Variants in ELFN1 observed in about 807,000 individuals in gnomAD.
ELFN1 encodes the protein extracellular leucine rich repeat and fibronectin type III domain containing 1, also known as protein ELFN1.
ELFN1 carries 6 observed loss-of-function variants against 7.6 expected under a neutral mutation model. The ratio of observed to expected loss-of-function variants is 0.79; its 90% CI spans 0.43 to 1.56. The LOEUF is 1.56. ELFN1 is among the 40% of genes most tolerant of loss of function. The pLI is 0.01. For missense variants in ELFN1, 1,169 were observed against 1,232.2 expected, an observed-to-expected ratio of 0.95 and a Z score of 0.77; for synonymous variants, 657 against 588.1, an observed-to-expected ratio of 1.12 and a Z score of -1.70.
At chr7:1,703,697 G>T (rs1217475175) in intron 2 of ELFN1, among the ~76,000 whole-genome samples, 1 of 152,156 alleles carries the variant, frequency 6.6e-6, no homozygotes, top group Non-Finnish European at 1.5e-5. Flanking sequence ...GGCATCTTGT[G>T]CGCTGGGATT....
At chr7:1,724,684 G>A (rs1478627411) in intron 3 of ELFN1, among the ~76,000 whole-genome samples, 1 of 152,088 alleles carries the variant, frequency 6.6e-6, no homozygotes, top group African/African-American at 2.4e-5. Context: ...AGCCTTGCCA[G>A]AGCCCGGGGC....
chr7:1,713,890 C>T (rs1354335866), intron 3 of ELFN1, among the ~76,000 whole-genome samples: 1 of 152,074 alleles, frequency 6.6e-6, no homozygotes, highest in Non-Finnish European at 1.5e-5. Context: ...CGGCTCCCCT[C>T]CCCCACCTCT....
intron 1 of ELFN1, among the ~76,000 whole-genome samples, chr7:1,672,375 C>T (rs1778783876): frequency 6.6e-6 from 1 of 152,202 alleles, no homozygotes; most frequent in Non-Finnish European, 1.5e-5. Flanking sequence ...CACCTCCCTA[C>T]CACGGTCCCC....
chr7:1,686,074 G>A (rs1387268672), intron 1 of ELFN1, among the ~76,000 whole-genome samples: 1 of 149,692 alleles, frequency 6.7e-6, no homozygotes, highest in Non-Finnish European at 1.5e-5. Flanking sequence ...TTTTTTCTGA[G>A]TATGGGTCAC....
intron 2 of ELFN1, among the ~76,000 whole-genome samples, chr7:1,688,365 G>A (rs981248360): frequency 2.6e-5 from 4 of 151,992 alleles, no homozygotes; most frequent in African/African-American, 9.7e-5. Context: ...CTCCTCCATG[G>A]TTAGCACTTT....
chr7:1,735,416 C>T lies in ELFN1; in HGVS notation c.-293-8888C>T, dbSNP rs1169261625. On this transcript the variant is annotated intron_variant, in intron 3 of 3. Transcript: ENST00000424383. This position sits in a 1 kb window ranked among gnomAD's most constrained non-coding sequence, Gnocchi z 5.9. ...GTGGGGACGTGGTGCAGGCAGCAGT[C>T]CCCTCCGTTCTACTCCCCAGCCCGG... Among the ~76,000 whole-genome samples the T allele has an allele frequency of 6.6e-6, 1 of 152,034 alleles. No individual in the cohort carries two copies. The highest frequency in any genetic ancestry group is 2.4e-5 in the African/African-American group (1 of 41,390).
rs914568621 is a variant in ELFN1, at chr7:1,745,837, C to T, written c.1241C>T (p.Thr414Met). Residue 414 changes from threonine (T) to methionine (M), a missense_variant, in exon 4 of 4, where the codon ACG becomes ATG. This residue lies in a region of ELFN1 where 914 missense variants were observed against 872.6 expected (regional missense o/e 1.05). Transcript: ENST00000424383. ...CCTGGTCCGGTGCCCAGCCCCTCCA[C>T]GGCCACCCACTACATCATGACCATC... is the stretch of plus-strand genomic sequence containing the variant. ...SPPGPVPSPS[T>M]ATHYIMTILG... 7.0e-6 allele frequency: 11 copies of T among 1,580,454 alleles called. No individual in the cohort carries two copies. The highest frequency in any genetic ancestry group is 1.6e-4 in the Middle Eastern group (1 of 6,064).
upstream of ELFN1, among the ~76,000 whole-genome samples, chr7:1,668,600 G>A (rs903197367): frequency 6.6e-6 from 1 of 152,160 alleles, no homozygotes; most frequent in African/African-American, 2.4e-5. Flanking sequence ...TCTGGGGGCC[G>A]ACCAGCTTCT....
intron 1 of ELFN1, among the ~76,000 whole-genome samples, chr7:1,672,275 C>G (rs1371405862): frequency 6.6e-6 from 1 of 152,090 alleles, no homozygotes; most frequent in African/African-American, 2.4e-5. Context: ...CCACCATGCC[C>G]CAGGACTGCC....
intron 1 of ELFN1, among the ~76,000 whole-genome samples, chr7:1,682,967 T>C (rs1178253092): frequency 6.6e-6 from 1 of 152,144 alleles, no homozygotes; most frequent in East Asian, 1.9e-4. Context: ...GGATCAAAAT[T>C]AGTGATTTTC....
intron 2 of ELFN1, among the ~76,000 whole-genome samples, chr7:1,701,065 G>A (rs758917077): frequency 3.3e-5 from 5 of 152,008 alleles, no homozygotes; most frequent in Admixed American, 2.0e-4. Context: ...GTATGTATGC[G>A]TGTGTATGTG....
At chr7:1,692,644 G>A (rs1583323205) in intron 2 of ELFN1, among the ~76,000 whole-genome samples, 1 of 152,256 alleles carries the variant, frequency 6.6e-6, no homozygotes, top group South Asian at 2.1e-4. Context: ...AGGGCCAGCG[G>A]CCCACCTGCC....
rs1279700474 is a variant in ELFN1 at position 1,746,896 on chromosome 7, A to C, written c.2300A>C (p.Glu767Ala). Residue 767 changes from glutamate to alanine, a missense_variant, in exon 4 of 4, where the codon GAG becomes GCG. Around this residue, in one of 2 missense-constraint regions of ELFN1, gnomAD observed 914 missense variants for 872.6 expected, o/e 1.05. Coordinates refer to ENST00000424383, the MANE Select transcript of ELFN1 (RefSeq NM_001128636.4). Reference protein sequence around the residue: ...YHSLSYSSSPEYTCRASQSIW... With the variant: ...YHSLSYSSSPAYTCRASQSIW... ...AGCCTGAGCTACTCCTCCAGCCCCG[A>C]GTACACCTGCCGGGCCTCCCAGAGC... The C allele has an allele frequency of 6.5e-7, 1 of 1,547,206 alleles. No homozygotes were observed. Among genetic ancestry groups the C allele is most frequent in the Non-Finnish European group, 8.7e-7 (1 of 1,145,360 alleles).
Position 1,744,508 on chromosome 7 carries a change from G to A in ELFN1, c.-89G>A, listed in dbSNP as rs548976294. 99 of 1,325,024 alleles carry A rather than the reference G, an allele frequency of 7.5e-5. No individual in the cohort carries two copies. In the African/African-American group the frequency reaches 1.3e-3, roughly 17 times the overall value. 82.1% of individuals were successfully genotyped at this position (1,325,024 alleles called of 1,614,324 possible). A position where few individuals can be genotyped will look rare whatever the true frequency, so the allele number is the denominator to read the frequency against. ...GAGAGTGCAGGCACCTCCCCCTCCC[G>A]CCCCTCCATCCCTCTGGGGGCTGGC... On this transcript the variant is annotated 5_prime_UTR_variant, in exon 4 of 4. Transcript: ENST00000424383.
At position 1,679,179 on chromosome 7, in the gene ELFN1, GCA is replaced by G. The variant is rs368107431; in HGVS notation, c.-549+8842_-549+8843del. 5.8e-3 allele frequency among the ~76,000 whole-genome samples: 876 copies of G among 150,372 alleles called. 5 individuals carry two copies. Among genetic ancestry groups the G allele is most frequent in the African/African-American group, 0.019 (777 of 40,810 alleles). ...CACACGCGTGCACACACGTACGCGC[GCA>G]CACACACACACACACAACTGCGCAT... On this transcript the variant is annotated intron_variant, in intron 1 of 3. Transcript: ENST00000424383.
chr7:1,732,359 CCAGT>C (rs1780343323), intron 3 of ELFN1, among the ~76,000 whole-genome samples: 1 of 152,122 alleles, frequency 6.6e-6, no homozygotes, highest in South Asian at 2.1e-4. Context: ...TCACTGATGC[CCAGT>C]CAGCCCCTTT....
chr7:1,686,058 A>G (rs1779056915), intron 1 of ELFN1, among the ~76,000 whole-genome samples: 1 of 141,310 alleles, frequency 7.1e-6, no homozygotes, highest in African/African-American at 2.8e-5. Flanking sequence ...GTTTCCATTG[A>G]CTTTTTTTTT....
intron 1 of ELFN1, among the ~76,000 whole-genome samples, chr7:1,687,448 A>T (rs1362727313): frequency 6.6e-6 from 1 of 152,124 alleles, no homozygotes. Context: ...CTCAAGAAAT[A>T]AAAATGATAC....
intron 2 of ELFN1, among the ~76,000 whole-genome samples, chr7:1,690,224 GTGAA>G (rs1779131566): frequency 6.6e-6 from 1 of 151,836 alleles, no homozygotes; most frequent in East Asian, 1.9e-4. Context: ...TAGTTGATGG[GTGAA>G]TGGATGGAAG....
Sources: allele counts gnomAD v4.1 joint callset (sites outside exome capture counted in the v4.1 genomes callset), GRCh38; gene constraint gnomAD v4.1.1; regional missense constraint gnomAD v4.1.1; non-coding constraint Gnocchi (gnomAD v3.1); transcripts MANE v1.5; gene names NCBI Gene and HGNC (gene_info 2026-07-23, HGNC 2026-07-21).